Variants in RB1 observed in about 807,000 individuals in gnomAD.
RB1 encodes the protein RB transcriptional corepressor 1.
A neutral mutation model predicts 135.4 loss-of-function variants in RB1; 18 were observed. The ratio of observed to expected loss-of-function variants is 0.13; its 90% CI spans 0.09 to 0.20. The LOEUF is 0.20. RB1 is among the 10% of genes least tolerant of loss of function. RB1 has a pLI of 1.00. For missense variants in RB1, 868 were observed against 1,110.0 expected, an observed-to-expected ratio of 0.78 and a Z score of 3.10; for synonymous variants, 365 against 373.2, an observed-to-expected ratio of 0.98 and a Z score of 0.25.
At chr13:48,335,525 A>G (rs1952375820) in intron 2 of RB1, among the ~76,000 whole-genome samples, 1 of 152,008 alleles carries the variant, frequency 6.6e-6, no homozygotes, top group Non-Finnish European at 1.5e-5. Flanking sequence ...AAGGATTTTT[A>G]TGTACCTTAA....
intron 17 of RB1, among the ~76,000 whole-genome samples, chr13:48,439,014 G>T (rs1000275591): frequency 6.6e-6 from 1 of 152,150 alleles, no homozygotes; most frequent in Admixed American, 6.6e-5. Context: ...AATTGTAGGG[G>T]TAAACAGCAA....
chr13:48,348,847 C>T lies in RB1; in HGVS notation c.540-109C>T, dbSNP rs989260209. 4.0e-6 allele frequency: 5 copies of T among 1,244,568 alleles called. No individual in the cohort carries two copies. The African/African-American group carries it at 6.1e-5, about 15-fold the overall frequency. 77.1% of individuals were successfully genotyped at this position (1,244,568 alleles called of 1,614,324 possible). ...ATTCTATTATGCATTTAACTAAGGT[C>T]ATTTTTTTTTTAATGCACAAAAAGA... On this transcript the variant is annotated intron_variant, in intron 5 of 26. Coordinates refer to ENST00000267163, the MANE Select transcript of RB1 (RefSeq NM_000321.3).
Position 48,465,324 on chromosome 13 carries a change from T to G in RB1, c.2445T>G (p.Ile815Met). The change falls in exon 23 of 27, where the codon ATT (isoleucine) becomes ATG (methionine). Residue 815 changes from isoleucine to methionine, a missense_variant. Ile to Met is a conservative substitution (Grantham distance 10, BLOSUM62 1). Coordinates refer to ENST00000267163, the MANE Select transcript of RB1 (RefSeq NM_000321.3). ...CACCCCTGAAGAGTCCATATAAAAT[T>G]TCAGAAGGTCTGCCAACACCAACAA... ...YISPLKSPYK[I>M]SEGLPTPTKM... The G allele has an allele frequency of 6.2e-7, 1 of 1,611,278 alleles. No individual in the cohort carries two copies. The highest frequency in any genetic ancestry group is 8.5e-7 in the Non-Finnish European group (1 of 1,177,466).
At chr13:48,338,026 G>A (rs979985344) in intron 2 of RB1, among the ~76,000 whole-genome samples, 7 of 152,228 alleles carry the variant, frequency 4.6e-5, no homozygotes, top group Non-Finnish European at 8.8e-5. Flanking sequence ...CTTCTGGCTT[G>A]TAGAGTTTCT....
intron 2 of RB1, among the ~76,000 whole-genome samples, chr13:48,312,441 T>C (rs1952139097): frequency 6.6e-6 from 1 of 152,140 alleles, no homozygotes; most frequent in Admixed American, 6.5e-5. Context: ...TCAAGAAAGG[T>C]TGTTTTTGTT....
chr13:48,371,528 G>T (rs542428423), intron 11 of RB1, among the ~76,000 whole-genome samples: 1 of 152,158 alleles, frequency 6.6e-6, no homozygotes, highest in African/African-American at 2.4e-5. Context: ...TGGTGGGAAT[G>T]AAGGAACAAT....
intron 21 of RB1, among the ~76,000 whole-genome samples, chr13:48,464,193 C>T (rs1949422564): frequency 6.6e-6 from 1 of 152,136 alleles, no homozygotes; most frequent in South Asian, 2.1e-4. Flanking sequence ...TGCAGCCTTG[C>T]AAATCAATAA....
intron 17 of RB1, chr13:48,411,816 C>A: frequency 6.2e-7 from 1 of 1,612,816 alleles, no homozygotes; most frequent in Non-Finnish European, 8.5e-7. Flanking sequence ...CATACTAGAA[C>A]AAGTTACATT....
intron 2 of RB1, among the ~76,000 whole-genome samples, chr13:48,337,128 T>C (rs198628): frequency 0.92 from 140,570 of 152,088 alleles, 65,558 homozygotes; most frequent in East Asian, 1. Flanking sequence ...GGAATAAGTG[T>C]GATATGCTGA....
chr13:48,439,813 C>T (rs369733905), intron 17 of RB1: 1 of 151,854 alleles, frequency 6.6e-6, no homozygotes, highest in Non-Finnish European at 1.5e-5. Flanking sequence ...CTTTTTGAAC[C>T]TAAGAAGACA....
intron 4 of RB1, among the ~76,000 whole-genome samples, chr13:48,346,099 C>A: frequency 8.5e-6 from 1 of 117,116 alleles, no homozygotes; most frequent in African/African-American, 3.2e-5. Context: ...CATTGGCCAT[C>A]TTTTTTTTTT....
At chr13:48,345,286 G>T (rs1952482761) in intron 4 of RB1, 87 bp downstream of exon 4, 2 of 1,411,362 alleles carry the variant, frequency 1.4e-6, no homozygotes, top group Admixed American at 1.7e-5. Context: ...AACACATTTA[G>T]TAAAGTTAGT....
In RB1 at chr13:48,381,380, A is replaced by T. The variant is rs143948310; in HGVS notation, c.1632A>T (p.Arg544Ser). Residue 544 changes from arginine to serine, a missense_variant, in exon 17 of 27, where the codon AGA becomes AGT. By Grantham distance (110) the Arg-to-Ser change is moderately radical. Around this residue, in one of 3 missense-constraint regions of RB1, gnomAD observed 641 missense variants for 791.3 expected, o/e 0.81. Coordinates refer to ENST00000267163, the MANE Select transcript of RB1 (RefSeq NM_000321.3). ...SFIKAEGNLT[R>S]EMIKHLERCE... ...TCAAAGCAGAAGGCAACTTGACAAGAGAAATGATAAAACATTTAGAACGAT... is the reference window on the plus strand; with the variant it reads ...TCAAAGCAGAAGGCAACTTGACAAGTGAAATGATAAAACATTTAGAACGAT... 1 of 1,612,810 alleles carries T rather than the reference A, an allele frequency of 6.2e-7. No individual in the cohort carries two copies. Among genetic ancestry groups the T allele is most frequent in the East Asian group, 2.2e-5 (1 of 44,746 alleles).
chr13:48,379,423 G>A (rs560282320), intron 13 of RB1, among the ~76,000 whole-genome samples, 171 bp from the exon 14 acceptor site: 1 of 151,888 alleles, frequency 6.6e-6, no homozygotes, highest in East Asian at 1.9e-4. Context: ...AGTGGTACAT[G>A]CCTATAATCC....
chr13:48,423,497 C>T (rs1414701136), intron 17 of RB1, among the ~76,000 whole-genome samples: 1 of 152,072 alleles, frequency 6.6e-6, no homozygotes, highest in Non-Finnish European at 1.5e-5. Context: ...AAAAGGCTTC[C>T]CTTTATGTTT....
At chr13:48,328,261 T>C in intron 2 of RB1, 4 of 1,549,150 alleles carry the variant, frequency 2.6e-6, no homozygotes, top group Non-Finnish European at 3.6e-6. Context: ...TCTGATTCAC[T>C]ATCTTCATCT....
At chr13:48,401,278 T>C (rs535520976) in intron 17 of RB1, 2 of 152,278 alleles carry the variant, frequency 1.3e-5, no homozygotes, top group African/African-American at 4.8e-5. Flanking sequence ...AGTTTTAGAA[T>C]TTTCAGTTTG....
At chr13:48,457,401 G>C (rs198577) in intron 19 of RB1, among the ~76,000 whole-genome samples, 119,074 of 152,196 alleles carry the variant, frequency 0.78, 52,304 homozygotes, top group Non-Finnish European at 0.97. Context: ...CTCTGCTCTG[G>C]CTGAGACTCG....
chr13:48,377,236 G>A (rs1952836351), intron 13 of RB1, among the ~76,000 whole-genome samples: 1 of 152,006 alleles, frequency 6.6e-6, no homozygotes, highest in African/African-American at 2.4e-5. Context: ...TAAAAACTAT[G>A]TAATAAAGGA....
Sources: allele counts gnomAD v4.1 joint callset (sites outside exome capture counted in the v4.1 genomes callset), GRCh38; gene constraint gnomAD v4.1.1; regional missense constraint gnomAD v4.1.1; transcripts MANE v1.5; gene names NCBI Gene and HGNC (gene_info 2026-07-23, HGNC 2026-07-21).